Variants in STAM2 observed in about 807,000 individuals in gnomAD.
The protein encoded by STAM2 is signal transducing adaptor molecule 2.
In STAM2, 51 loss-of-function variants were observed where a neutral mutation model predicts 65.6. The observed-to-expected ratio is 0.78, with a 90% CI of 0.62 to 0.98. STAM2 has a LOEUF of 0.98. Among genes scored for constraint, STAM2 ranks in the 50% least tolerant of loss-of-function variants. The pLI, the probability that STAM2 is intolerant of heterozygous loss-of-function variation, is 0.00. For synonymous variants in STAM2, 198 were observed against 208.4 expected (o/e 0.95, Z 0.43); for missense variants, 584 against 617.8 (o/e 0.95, Z 0.58).
At chr2:152,170,264 G>A (rs1044394856) in intron 1 of STAM2, among the ~76,000 whole-genome samples, 3 of 150,514 alleles carry the variant, frequency 2.0e-5, no homozygotes, top group African/African-American at 2.4e-5. Context: ...GGCGGATCAC[G>A]AGGTCAGGAG....
chr2:152,130,049 T>C (rs963593784), intron 11 of STAM2, among the ~76,000 whole-genome samples: 15 of 152,312 alleles, frequency 9.8e-5, no homozygotes, highest in Non-Finnish European at 1.8e-4. Flanking sequence ...CTTTTCTTCT[T>C]GTGCTGCTTA....
intron 1 of STAM2, among the ~76,000 whole-genome samples, chr2:152,162,454 C>A (rs1020570877): frequency 6.6e-6 from 1 of 152,078 alleles, no homozygotes; most frequent in African/African-American, 2.4e-5. Flanking sequence ...GTGATGCGCA[C>A]CTGTAGTTCT....
Position 152,175,594 on chromosome 2 carries a change from A to G in STAM2, c.40+9T>C. On this transcript the variant is annotated intron_variant, in intron 1 of 13. Transcript: ENST00000263904. The stretch of plus-strand genomic sequence containing the variant: ...CACACAGCAGTCCAGGACCGGGCAC[A>G]GCACTCACCCACGTCTTGCTCGAAG... 6.2e-7 allele frequency: 1 copy of G among 1,614,092 alleles called. No individual in the cohort carries two copies. The highest frequency in any genetic ancestry group is 8.5e-7 in the Non-Finnish European group (1 of 1,179,970).
intron 7 of STAM2, among the ~76,000 whole-genome samples, chr2:152,140,441 C>T (rs1689225013): frequency 6.6e-6 from 1 of 152,154 alleles, no homozygotes; most frequent in African/African-American, 2.4e-5. Context: ...CTACTGATTT[C>T]TTAACAAAAA....
At chr2:152,144,867 T>A (rs374276088) in intron 6 of STAM2, 21 bp downstream of exon 6, 1 of 1,608,508 alleles carries the variant, frequency 6.2e-7, no homozygotes, top group African/African-American at 1.3e-5. Context: ...AACACTAAAT[T>A]ACATGTGCTT....
chr2:152,145,055 T>A, intron 5 of STAM2, 98 bp from the exon 6 acceptor site: 2 of 916,878 alleles, frequency 2.2e-6, no homozygotes, highest in Non-Finnish European at 3.5e-6. Flanking sequence ...AATACTGATA[T>A]AACTGAGTTT....
At chr2:152,151,304 C>A (rs1343232831) in intron 1 of STAM2, among the ~76,000 whole-genome samples, 1 of 151,966 alleles carries the variant, frequency 6.6e-6, no homozygotes, top group African/African-American at 2.4e-5. Context: ...GCCTCAGCCG[C>A]CTGAGTAGCT....
rs995648484 is a variant in STAM2, at chr2:152,118,689, G to A, written c.*1885C>T. ...ATGCAAATGTTGACTATTATCGAGAGCAGCTTTGGATTTTTTTTAAATGTT... is the reference window on the plus strand; with the variant it reads ...ATGCAAATGTTGACTATTATCGAGAACAGCTTTGGATTTTTTTTAAATGTT... On this transcript the variant is annotated 3_prime_UTR_variant, in exon 14 of 14. Coordinates refer to ENST00000263904, the MANE Select transcript of STAM2 (RefSeq NM_005843.6). The A allele has an allele frequency of 6.8e-6, 1 of 146,498 alleles. No individual in the cohort carries two copies. The allele number at this position is 146,498 out of a possible 1,614,324, so 9.1% of individuals were successfully genotyped here. A position where few individuals can be genotyped will look rare whatever the true frequency, so the allele number is the denominator to read the frequency against.
intron 1 of STAM2, among the ~76,000 whole-genome samples, chr2:152,168,213 T>C (rs1446641787): frequency 6.6e-6 from 1 of 151,758 alleles, no homozygotes; most frequent in South Asian, 2.1e-4. Flanking sequence ...CGGGCTGGAG[T>C]GCAGTGGCGC....
intron 1 of STAM2, among the ~76,000 whole-genome samples, chr2:152,160,385 C>G (rs575972811): frequency 2.0e-5 from 3 of 151,788 alleles, no homozygotes; most frequent in African/African-American, 7.3e-5. Context: ...CCTGCCACCC[C>G]GTCTGGGATG....
chr2:152,160,417 C>T (rs1440076230), intron 1 of STAM2, among the ~76,000 whole-genome samples: 2 of 151,912 alleles, frequency 1.3e-5, no homozygotes, highest in Non-Finnish European at 2.9e-5. Context: ...TCTGCCCGGC[C>T]GCCCCATCTC....
intron 1 of STAM2, among the ~76,000 whole-genome samples, chr2:152,154,839 T>C (rs1381431292): frequency 6.6e-6 from 1 of 152,198 alleles, no homozygotes; most frequent in Admixed American, 6.5e-5. Flanking sequence ...TAATGTACCA[T>C]TACATACAGA....
rs1399818534 is a variant in STAM2 at position 152,171,752 on chromosome 2, A to ATTTGAT, written c.40+3850_40+3851insATCAAA. 2.6e-5 allele frequency among the ~76,000 whole-genome samples: 4 copies of ATTTGAT among 152,378 alleles called. No individual in the cohort carries two copies. The East Asian group carries it at 7.7e-4, about 29-fold the overall frequency. ...GTCCACAGAGTTTTGTAGAGGTAGA[A>ATTTGAT]TTTGAGCTCAGCTTTGTGGGACACA... On this transcript the variant is annotated intron_variant, in intron 1 of 13. Transcript: ENST00000263904.
intron 11 of STAM2, 87 bp downstream of exon 11, chr2:152,132,027 A>G: frequency 1.1e-6 from 1 of 933,592 alleles, no homozygotes; most frequent in Non-Finnish European, 1.7e-6. Context: ...GTACAGTTCC[A>G]CAAAAACTTT....
chr2:152,164,000 C>G (rs1689731508), intron 1 of STAM2, among the ~76,000 whole-genome samples: 1 of 152,132 alleles, frequency 6.6e-6, no homozygotes, highest in Admixed American at 6.5e-5. Flanking sequence ...GCCTTGTGAT[C>G]TTTATTGGCC....
chr2:152,162,896 G>C (rs1254513046), intron 1 of STAM2, among the ~76,000 whole-genome samples: 1 of 151,966 alleles, frequency 6.6e-6, no homozygotes, highest in African/African-American at 2.4e-5. Flanking sequence ...CTGACCTCAG[G>C]TGATCTGCCC....
At chr2:152,160,062 G>A (rs11883564) in intron 1 of STAM2, among the ~76,000 whole-genome samples, 22,866 of 152,182 alleles carry the variant, frequency 0.15, 2,644 homozygotes, top group East Asian at 0.58. Context: ...GTGCAGTGGC[G>A]TGATCTCGGC....
chr2:152,125,975 C>T (rs911439870), intron 12 of STAM2: 23 of 311,568 alleles, frequency 7.4e-5, no homozygotes, highest in East Asian at 5.9e-4. Context: ...ACCAGAACTA[C>T]CCTCACATAT....
chr2:152,138,738 TATC>T (rs918488059), intron 7 of STAM2, among the ~76,000 whole-genome samples: 1 of 152,232 alleles, frequency 6.6e-6, no homozygotes, highest in African/African-American at 2.4e-5. Flanking sequence ...AGTTCTAAGA[TATC>T]ATATCTGCAA....
Sources: gnomAD v4.1 joint callset for allele counts (sites outside exome capture counted in the v4.1 genomes callset) on GRCh38, gnomAD v4.1.1 for gene constraint, MANE v1.5 for transcripts, NCBI Gene and HGNC (gene_info 2026-07-23, HGNC 2026-07-21) for gene names.